ANKS1B: variants seen among roughly 807,000 people sequenced by gnomAD.
The protein encoded by ANKS1B is ankyrin repeat and sterile alpha motif domain-containing protein 1B.
ANKS1B carries 36 observed loss-of-function variants against 148.3 expected under a neutral mutation model. That is an observed-to-expected ratio of 0.24 (90% CI 0.19 to 0.32). The LOEUF is 0.32. Ranked by LOEUF, ANKS1B falls within the 10% of genes least tolerant of loss-of-function variation. The pLI is 1.00. For synonymous variants in ANKS1B, 542 were observed against 560.8 expected, an observed-to-expected ratio of 0.97 and a Z score of 0.47; for missense variants, 1,157 against 1,542.6, an observed-to-expected ratio of 0.75 and a Z score of 4.19.
intron 15 of ANKS1B, among the ~76,000 whole-genome samples, chr12:99,101,322 TG>T (rs1488588696): frequency 6.6e-6 from 1 of 152,158 alleles, no homozygotes; most frequent in Non-Finnish European, 1.5e-5. Flanking sequence ...AAAGAGCTCT[TG>T]CAGCCATAAT....
At position 99,085,237 on chromosome 12, in the gene ANKS1B, T is replaced by C. The variant is rs189523184; in HGVS notation, c.2527-214A>G. Among the ~76,000 whole-genome samples, 154 of 152,274 alleles carry C rather than the reference T, an allele frequency of 1.0e-3. 1 individual carries two copies. The highest frequency in any genetic ancestry group is 1.6e-3 in the Non-Finnish European group (107 of 68,020). On this transcript the variant is annotated intron_variant, in intron 15 of 26. Coordinates refer to ENST00000683438, the MANE Select transcript of ANKS1B (RefSeq NM_001352186.2). Reference sequence around the variant, plus strand: ...GCTCCCCTCCCCTCACAAATATCTATCGTGGCTTATATCCACATGGGGTTA... The same window carrying C: ...GCTCCCCTCCCCTCACAAATATCTACCGTGGCTTATATCCACATGGGGTTA...
At chr12:99,458,337 A>C (rs1437853477) in intron 10 of ANKS1B, among the ~76,000 whole-genome samples, 1 of 152,008 alleles carries the variant, frequency 6.6e-6, no homozygotes. Context: ...GCACAAATAG[A>C]CAATCTAAAG....
intron 12 of ANKS1B, among the ~76,000 whole-genome samples, chr12:99,351,531 C>T (rs887237710): frequency 6.6e-6 from 1 of 151,826 alleles, no homozygotes. Flanking sequence ...GTTTGAATTA[C>T]AAAGAACTTC....
chr12:99,408,489 C>T (rs373939554), intron 11 of ANKS1B, among the ~76,000 whole-genome samples: 4 of 145,204 alleles, frequency 2.8e-5, no homozygotes, highest in South Asian at 2.1e-4. Flanking sequence ...AAAGCAAAAG[C>T]GGACAAGTGA....
intron 17 of ANKS1B, among the ~76,000 whole-genome samples, chr12:98,909,057 T>C (rs2099783237): frequency 6.6e-6 from 1 of 152,170 alleles, no homozygotes; most frequent in Non-Finnish European, 1.5e-5. Context: ...ACAGACAGCT[T>C]GTGCCAGAAG....
At chr12:99,042,889 G>A (rs1359554025) in intron 17 of ANKS1B, among the ~76,000 whole-genome samples, 4 of 152,110 alleles carry the variant, frequency 2.6e-5, no homozygotes, top group Non-Finnish European at 4.4e-5. Flanking sequence ...TTTTAGCCAC[G>A]GCTGCCTGCC....
At chr12:98,945,892 C>T (rs1430576599) in intron 17 of ANKS1B, among the ~76,000 whole-genome samples, 3 of 152,208 alleles carry the variant, frequency 2.0e-5, no homozygotes, top group African/African-American at 7.2e-5. Flanking sequence ...AGTTTTACAG[C>T]TTCTTGAACA....
chr12:99,942,984 G>A (rs945620886), intron 1 of ANKS1B, among the ~76,000 whole-genome samples: 3 of 152,138 alleles, frequency 2.0e-5, no homozygotes, highest in African/African-American at 7.2e-5. Flanking sequence ...GGTCCTATCA[G>A]AATGAAACCT....
At chr12:99,436,427 AT>A (rs754094317) in intron 11 of ANKS1B, among the ~76,000 whole-genome samples, 2 of 152,072 alleles carry the variant, frequency 1.3e-5, no homozygotes, top group Non-Finnish European at 2.9e-5. Flanking sequence ...TAATAAAAAT[AT>A]TTTTAAAGAC....
chr12:99,760,307 A>G (rs2061964639), intron 8 of ANKS1B, among the ~76,000 whole-genome samples: 1 of 151,914 alleles, frequency 6.6e-6, no homozygotes, highest in South Asian at 2.1e-4. Flanking sequence ...GTCTCAATAA[A>G]TTCAAAAAAA....
At chr12:99,756,152 C>T (rs1301938895) in intron 8 of ANKS1B, among the ~76,000 whole-genome samples, 2 of 145,786 alleles carry the variant, frequency 1.4e-5, no homozygotes, top group African/African-American at 2.6e-5. Flanking sequence ...GGAAGTAAAA[C>T]CATCCCTGTT....
intron 1 of ANKS1B, among the ~76,000 whole-genome samples, chr12:99,881,810 C>T (rs2092519870): frequency 6.6e-6 from 1 of 152,108 alleles, no homozygotes; most frequent in African/African-American, 2.4e-5. Flanking sequence ...TGATTGCATG[C>T]TAAAATAAAA....
At chr12:99,759,099 A>G (rs1354974524) in intron 8 of ANKS1B, among the ~76,000 whole-genome samples, 1 of 151,836 alleles carries the variant, frequency 6.6e-6, no homozygotes, top group Non-Finnish European at 1.5e-5. Flanking sequence ...TCCCTTGACT[A>G]AGCATTCTTT....
chr12:98,881,508 C>T (rs1274647033), intron 17 of ANKS1B, among the ~76,000 whole-genome samples: 1 of 152,016 alleles, frequency 6.6e-6, no homozygotes, highest in East Asian at 1.9e-4. Context: ...CATCTTTGTG[C>T]CTGTTTTTTG....
At chr12:99,688,350 AAT>A in intron 8 of ANKS1B, among the ~76,000 whole-genome samples, 1 of 152,230 alleles carries the variant, frequency 6.6e-6, no homozygotes, top group Non-Finnish European at 1.5e-5. Flanking sequence ...ATAGGTGGGT[AAT>A]TGTAAGGCTC....
At chr12:99,708,541 T>A (rs1374411473) in intron 8 of ANKS1B, among the ~76,000 whole-genome samples, 1 of 152,172 alleles carries the variant, frequency 6.6e-6, no homozygotes, top group Non-Finnish European at 1.5e-5. Context: ...ATAATCTGTT[T>A]CTTGACTCTT....
At chr12:99,418,902 T>G (rs1034882976) in intron 11 of ANKS1B, among the ~76,000 whole-genome samples, 3 of 152,226 alleles carry the variant, frequency 2.0e-5, no homozygotes, top group Admixed American at 2.0e-4. Flanking sequence ...TTTCTGTGTA[T>G]CAATTAATAT....
intron 1 of ANKS1B, among the ~76,000 whole-genome samples, chr12:99,926,911 C>A (rs754232965): frequency 6.6e-6 from 1 of 152,194 alleles, no homozygotes; most frequent in African/African-American, 2.4e-5. Flanking sequence ...CACATTCCTA[C>A]CCCACCTCTG....
In ANKS1B at chr12:98,773,954, C is replaced by T. The variant is rs188772240; in HGVS notation, c.3442-775G>A. On this transcript the variant is annotated intron_variant, in intron 24 of 26. Transcript: ENST00000683438. Reference sequence around the variant, plus strand: ...CATGCTTGCACGTTGTTCTTGTGTCCTGCTCCTCCTCCCTCAGAGCAAGGG... The same window carrying T: ...CATGCTTGCACGTTGTTCTTGTGTCTTGCTCCTCCTCCCTCAGAGCAAGGG... Among the ~76,000 whole-genome samples the T allele has an allele frequency of 5.7e-4, 87 of 152,280 alleles. 1 individual carries two copies. Among genetic ancestry groups the T allele is most frequent in the African/African-American group, 1.8e-3 (76 of 41,552 alleles).
Sources: allele counts gnomAD v4.1 joint callset (sites outside exome capture counted in the v4.1 genomes callset), GRCh38; gene constraint gnomAD v4.1.1; transcripts MANE v1.5; gene names NCBI Gene and HGNC (gene_info 2026-07-23, HGNC 2026-07-21).